CAAP1: variants seen among roughly 807,000 people sequenced by gnomAD.
CAAP1 encodes caspase activity and apoptosis inhibitor 1, also known as conserved anti-apoptotic protein.
CAAP1 carries 20 observed loss-of-function variants against 34.0 expected under a neutral mutation model. That is an observed-to-expected ratio of 0.59 (90% CI 0.41 to 0.86). The LOEUF is 0.86. CAAP1 is among the 40% of genes least tolerant of loss of function. CAAP1 has a pLI of 0.00. For missense variants in CAAP1, 538 were observed against 450.5 expected (o/e 1.19, Z -1.76); for synonymous variants, 213 against 166.7 (o/e 1.28, Z -2.14).
chr9:26,844,940 C>T (rs1051863825), intron 5 of CAAP1, among the ~76,000 whole-genome samples: 1 of 152,188 alleles, frequency 6.6e-6, no homozygotes, highest in Non-Finnish European at 1.5e-5. Context: ...TTCTTCACCT[C>T]CTAACAGTTT....
At chr9:26,844,695 T>A (rs1394981975) in intron 5 of CAAP1, among the ~76,000 whole-genome samples, 1 of 152,198 alleles carries the variant, frequency 6.6e-6, no homozygotes, top group Non-Finnish European at 1.5e-5. Context: ...ACATAATATA[T>A]AATTGCTTTT....
At chr9:26,884,932 A>G (rs772391529) in intron 3 of CAAP1, 47 bp from the exon 4 acceptor site, 2 of 1,302,750 alleles carry the variant, frequency 1.5e-6, no homozygotes, top group Admixed American at 1.8e-5. Flanking sequence ...AAAAACATTA[A>G]AATGATGCAA....
chr9:26,854,330 C>G (rs1287845568), intron 5 of CAAP1, among the ~76,000 whole-genome samples: 1 of 152,114 alleles, frequency 6.6e-6, no homozygotes, highest in Admixed American at 6.6e-5. Flanking sequence ...AAGTAACTTG[C>G]CCTAGGTTCA....
chr9:26,882,020 G>A (rs1364413800), intron 4 of CAAP1, among the ~76,000 whole-genome samples: 1 of 152,184 alleles, frequency 6.6e-6, no homozygotes, highest in Non-Finnish European at 1.5e-5. Context: ...GAACTTGAGG[G>A]AGATGATTTA....
chr9:26,885,882 C>T (rs1323511794), intron 3 of CAAP1, among the ~76,000 whole-genome samples: 2 of 152,020 alleles, frequency 1.3e-5, no homozygotes, highest in African/African-American at 4.8e-5. Flanking sequence ...TATACTCTTA[C>T]CTATATACAC....
rs142349199 is a variant in CAAP1, at chr9:26,880,779, G to T, written c.665+4031C>A. Among the ~76,000 whole-genome samples the T allele has an allele frequency of 7.9e-4, 120 of 152,252 alleles. 1 individual carries two copies. The highest frequency in any genetic ancestry group is 3.4e-3 in the Middle Eastern group (1 of 294). On this transcript the variant is annotated intron_variant, in intron 4 of 5. Transcript: ENST00000333916. ...CAACCTCCATTTCCTGGGTTCAAGT[G>T]ACTCTCCTGCCTCAGCCTCCCAAGT...
chr9:26,892,792 C>T lies in CAAP1; in HGVS notation c.-77G>A, dbSNP rs1823949756. On this transcript the variant is annotated 5_prime_UTR_variant, in exon 1 of 6. Transcript: ENST00000333916. ...GAAGCCCGACTCCTGCGGCCGTGGG[C>T]GGCAGGCACTGGCGTCGCAGGTTAT... 5 of 1,406,170 alleles carry T rather than the reference C, an allele frequency of 3.6e-6. No homozygotes were observed. The East Asian group carries it at 1.2e-4, about 33-fold the overall frequency. The allele number at this position is 1,406,170 out of a possible 1,614,324, so 87.1% of individuals were successfully genotyped here.
intron 4 of CAAP1, among the ~76,000 whole-genome samples, chr9:26,863,198 T>C (rs1462302754): frequency 1.3e-5 from 2 of 152,202 alleles, no homozygotes; most frequent in African/African-American, 4.8e-5. Context: ...CAAAGTGAAC[T>C]TCTACAACAT....
intron 5 of CAAP1, among the ~76,000 whole-genome samples, chr9:26,847,810 G>T (rs996208132): frequency 6.6e-6 from 1 of 150,744 alleles, no homozygotes; most frequent in African/African-American, 2.4e-5. Flanking sequence ...CTATTTTGTG[G>T]TTTACTTTGG....
At chr9:26,858,368 T>G (rs1353789762) in intron 5 of CAAP1, among the ~76,000 whole-genome samples, 1 of 152,246 alleles carries the variant, frequency 6.6e-6, no homozygotes, top group Non-Finnish European at 1.5e-5. Flanking sequence ...TCAAGCAAGT[T>G]ACTATCTAGT....
chr9:26,869,809 G>C (rs1823230193), intron 4 of CAAP1: 1 of 285,724 alleles, frequency 3.5e-6, no homozygotes, highest in Non-Finnish European at 5.3e-6. Flanking sequence ...GTGAACATTA[G>C]TGAATTTATT....
Position 26,892,407 on chromosome 9 carries a change from A to G in CAAP1, c.303+6T>C. 1 of 1,604,742 alleles carries G rather than the reference A, an allele frequency of 6.2e-7. No individual in the cohort carries two copies. The highest frequency in any genetic ancestry group is 8.5e-7 in the Non-Finnish European group (1 of 1,178,482). On this transcript the variant is annotated splice_donor_region_variant and intron_variant, in intron 1 of 5. Coordinates refer to ENST00000333916, the MANE Select transcript of CAAP1 (RefSeq NM_024828.4). Reference sequence around the variant, plus strand: ...CCAGGAAGCGGCCAGAGGGGCGCGCACGCACCTGCTGCAAGGAGCCCGAGA... The same window carrying G: ...CCAGGAAGCGGCCAGAGGGGCGCGCGCGCACCTGCTGCAAGGAGCCCGAGA...
At chr9:26,873,990 G>A (rs568034561) in intron 4 of CAAP1, among the ~76,000 whole-genome samples, 27 of 151,880 alleles carry the variant, frequency 1.8e-4, no homozygotes, top group African/African-American at 6.5e-4. Flanking sequence ...GGCAGATCAC[G>A]AGGTCAGGAG....
intron 4 of CAAP1, among the ~76,000 whole-genome samples, chr9:26,870,606 G>C (rs1823251293): frequency 6.8e-6 from 1 of 147,450 alleles, no homozygotes; most frequent in Non-Finnish European, 1.5e-5. Context: ...GTGTGTGTGT[G>C]TGTGTATACA....
intron 5 of CAAP1, among the ~76,000 whole-genome samples, chr9:26,845,720 T>C (rs1822583852): frequency 6.6e-6 from 1 of 152,192 alleles, no homozygotes; most frequent in South Asian, 2.1e-4. Flanking sequence ...TCTGGCTTTT[T>C]ATCATTGCAC....
chr9:26,865,476 A>G (rs1311792063), intron 4 of CAAP1, among the ~76,000 whole-genome samples: 1 of 152,112 alleles, frequency 6.6e-6, no homozygotes, highest in African/African-American at 2.4e-5. Context: ...GTGAGCCAAG[A>G]TCATGCCATT....
chr9:26,856,144 T>A (rs1435053265), intron 5 of CAAP1, among the ~76,000 whole-genome samples: 1 of 151,822 alleles, frequency 6.6e-6, no homozygotes, highest in Admixed American at 6.6e-5. Context: ...GGGGTAGAAT[T>A]TGAGCCTATT....
In CAAP1 at chr9:26,887,570, C is replaced by T. The variant is rs141077515; in HGVS notation, c.304-57G>A. The T allele has an allele frequency of 1.6e-4, 157 of 986,368 alleles. No individual in the cohort carries two copies. The African/African-American group carries it at 2.2e-3, about 14-fold the overall frequency. The allele number at this position is 986,368 out of a possible 1,614,324, so 61.1% of individuals were successfully genotyped here. On this transcript the variant is annotated intron_variant, in intron 1 of 5. Coordinates refer to ENST00000333916, the MANE Select transcript of CAAP1 (RefSeq NM_024828.4). ...AATACTACTTAAAATATAAAGAATA[C>T]GTACATGACATCATACGTTTTCATT...
intron 5 of CAAP1, among the ~76,000 whole-genome samples, chr9:26,858,822 C>CAAAAAAA (rs756404393): frequency 1.1e-5 from 1 of 87,210 alleles, no homozygotes; most frequent in African/African-American, 4.1e-5. Flanking sequence ...GGCTCCATCT[C>CAAAAAAA]AAAAAAAAAA....
Sources: allele counts gnomAD v4.1 joint callset (sites outside exome capture counted in the v4.1 genomes callset), GRCh38; gene constraint gnomAD v4.1.1; transcripts MANE v1.5; gene names NCBI Gene and HGNC (gene_info 2026-07-23, HGNC 2026-07-21).